Variants in RHOBTB2 observed in about 807,000 individuals in gnomAD.
RHOBTB2 encodes rho-related BTB domain-containing protein 2.
A neutral mutation model predicts 66.5 loss-of-function variants in RHOBTB2; 39 were observed. The observed-to-expected ratio is 0.59, with a 90% CI of 0.45 to 0.77. The LOEUF (loss-of-function observed/expected upper bound fraction) is 0.77, where lower values mean the gene tolerates loss of function less well. RHOBTB2 is among the 30% of genes least tolerant of loss of function. The pLI is 0.00. For missense variants in RHOBTB2, 755 were observed against 999.1 expected, an observed-to-expected ratio of 0.76 and a Z score of 3.29; for synonymous variants, 390 against 395.0, an observed-to-expected ratio of 0.99 and a Z score of 0.15.
chr8:22,995,314 ACGAAAGCTCCC>A (rs914419593), upstream of RHOBTB2, among the ~76,000 whole-genome samples: 4 of 152,270 alleles, frequency 2.6e-5, no homozygotes, highest in Admixed American at 2.6e-4. Flanking sequence ...CCTGGCTCTT[ACGAAAGCTCCC>A]CTGCCGGTCC....
At chr8:22,971,832 G>A in the RHOBTB2 span, among the ~76,000 whole-genome samples, 1 of 142,844 alleles carries the variant, frequency 7.0e-6, no homozygotes, top group Non-Finnish European at 1.6e-5. Context: ...CTCTTCTCCT[G>A]CTTCAGCTAT....
upstream of RHOBTB2, among the ~76,000 whole-genome samples, chr8:22,983,739 G>A (rs553220268): frequency 2.0e-5 from 3 of 151,736 alleles, no homozygotes; most frequent in South Asian, 6.2e-4. Context: ...GCAGTGTAAC[G>A]TGTTTTTTTT....
chr8:22,963,504 G>A, the RHOBTB2 span, among the ~76,000 whole-genome samples: 38 of 151,250 alleles, frequency 2.5e-4, no homozygotes, highest in Admixed American at 1.7e-3. Flanking sequence ...CAAAGCTAGC[G>A]CAAGTGTAAT....
At chr8:23,009,022 C>T (rs1465895739) in intron 6 of RHOBTB2, among the ~76,000 whole-genome samples, 1 of 151,944 alleles carries the variant, frequency 6.6e-6, no homozygotes, top group Non-Finnish European at 1.5e-5. Context: ...GTTGTCAAAG[C>T]AACAAAATAC....
Position 23,006,000 on chromosome 8 carries a change from A to C in RHOBTB2, c.337A>C (p.Asn113His). The change falls in exon 4 of 10, where the codon AAT becomes CAT. Residue 113 changes from asparagine to histidine, a missense_variant. Asn to His is a moderately conservative substitution (Grantham distance 68, BLOSUM62 1). Around this residue, in one of 7 missense-constraint regions of RHOBTB2, gnomAD observed 33 missense variants for 36.0 expected, o/e 0.92. Transcript: ENST00000251822. ...VVLCFSIANP[N>H]SLHHVKTMWY... ...TCTGTGCTTCTCCATTGCCAACCCC[A>C]ATTCCCTCCACCATGTCAAGACCAT... The C allele has an allele frequency of 6.2e-7, 1 of 1,613,594 alleles. No individual in the cohort carries two copies. Among genetic ancestry groups the C allele is most frequent in the South Asian group, 1.1e-5 (1 of 91,066 alleles).
chr8:22,954,701 C>A, the RHOBTB2 span, among the ~76,000 whole-genome samples: 1 of 152,118 alleles, frequency 6.6e-6, no homozygotes, highest in African/African-American at 2.4e-5. Context: ...ACTTTTAAAT[C>A]TTTAGAATAA....
Position 23,004,733 on chromosome 8 carries a change from G to A in RHOBTB2, c.192+107G>A. ...CCAGAGCTCACGGGAGCCCTCTAGG[G>A]GTGGGACAGGATGGGTTGGGGGCAG... is the stretch of plus-strand genomic sequence containing the variant. On this transcript the variant is annotated intron_variant, in intron 2 of 9. Transcript: ENST00000251822. The surrounding 1 kb of genome is among the most constrained non-coding windows in gnomAD (Gnocchi z 6.4). 1 of 1,113,020 alleles carries A rather than the reference G, an allele frequency of 9.0e-7. No individual in the cohort carries two copies. The highest frequency in any genetic ancestry group is 1.4e-5 in the South Asian group (1 of 70,762). 68.9% of individuals were successfully genotyped at this position (1,113,020 alleles called of 1,614,324 possible). A position where few individuals can be genotyped will look rare whatever the true frequency, so the allele number is the denominator to read the frequency against.
chr8:22,979,440 T>A, the RHOBTB2 span, among the ~76,000 whole-genome samples: 1 of 152,042 alleles, frequency 6.6e-6, no homozygotes, highest in Non-Finnish European at 1.5e-5. Context: ...GTGTATGAAT[T>A]TTTTTTGGTT....
At chr8:22,995,733 C>A, upstream of RHOBTB2, 1 of 963,202 alleles carries the variant, frequency 1.0e-6, no homozygotes. Context: ...ATGGCTGGTT[C>A]TGAACTTTGC....
Position 23,000,024 on chromosome 8 carries a change from C to G in RHOBTB2, c.-92C>G. 1 of 985,568 alleles carries G rather than the reference C, an allele frequency of 1.0e-6. No individual in the cohort carries two copies. 61.1% of individuals were successfully genotyped at this position (985,568 alleles called of 1,614,324 possible). ...CCAACTTGCAGGCGCGGAGGGACCC[C>G]TGACATTTCACTAAAATGAGCGTGC... is the stretch of plus-strand genomic sequence containing the variant. On this transcript the variant is annotated 5_prime_UTR_variant, in exon 1 of 10. Coordinates refer to ENST00000251822, the MANE Select transcript of RHOBTB2 (RefSeq NM_015178.3).
Position 22,999,635 on chromosome 8 carries a change from C to A in RHOBTB2, c.-481C>A. The A allele has an allele frequency of 1.6e-6, 2 of 1,245,324 alleles. No individual in the cohort carries two copies. The highest frequency in any genetic ancestry group is 2.1e-6 in the Non-Finnish European group (2 of 972,250). 77.1% of individuals were successfully genotyped at this position (1,245,324 alleles called of 1,614,324 possible). Reference sequence around the variant, plus strand: ...TTTTTTTCTTTTCTTTTTTTTTTCCCTATCCTTTTTTTGTGAATGAAAAAA... The same window carrying A: ...TTTTTTTCTTTTCTTTTTTTTTTCCATATCCTTTTTTTGTGAATGAAAAAA... On this transcript the variant is annotated 5_prime_UTR_variant, in exon 1 of 10. Coordinates refer to ENST00000251822, the MANE Select transcript of RHOBTB2 (RefSeq NM_015178.3).
At chr8:22,952,319 C>T in the RHOBTB2 span, among the ~76,000 whole-genome samples, 4 of 152,070 alleles carry the variant, frequency 2.6e-5, no homozygotes, top group African/African-American at 9.7e-5. Flanking sequence ...CAGACCCCCA[C>T]CTGCTCGCTC....
At chr8:22,963,439 A>G in the RHOBTB2 span, among the ~76,000 whole-genome samples, 5 of 152,218 alleles carry the variant, frequency 3.3e-5, no homozygotes, top group African/African-American at 1.2e-4. Flanking sequence ...TTCCCTTGCT[A>G]TAAAATATAA....
chr8:22,959,745 T>C, the RHOBTB2 span, among the ~76,000 whole-genome samples: 1 of 152,248 alleles, frequency 6.6e-6, no homozygotes, highest in East Asian at 1.9e-4. Context: ...TGTGGTTACC[T>C]TGTCAATCAA....
At position 23,005,978 on chromosome 8, in the gene RHOBTB2, G is replaced by C; in HGVS notation, c.315G>C (p.Leu105=). 1 of 1,613,298 alleles carries C rather than the reference G, an allele frequency of 6.2e-7. No individual in the cohort carries two copies. ...FAYGRSDVVV[L]CFSIANPNSL... ...CCCGCAGATCTGATGTGGTGGTTCT[G>C]TGCTTCTCCATTGCCAACCCCAATT... Residue 105 remains leucine (L), a synonymous_variant, in exon 4 of 10, where the codon CTG becomes CTC. Coordinates refer to ENST00000251822, the MANE Select transcript of RHOBTB2 (RefSeq NM_015178.3).
At chr8:22,993,399 A>G (rs1314117772) in intron 2 of RHOBTB2, among the ~76,000 whole-genome samples, 2 of 152,090 alleles carry the variant, frequency 1.3e-5, no homozygotes, top group African/African-American at 4.8e-5. Context: ...CACGGCCCAG[A>G]TGGCAGAGGC....
intron 9 of RHOBTB2, among the ~76,000 whole-genome samples, chr8:23,016,823 C>T (rs954476705): frequency 6.6e-6 from 1 of 152,174 alleles, no homozygotes; most frequent in Non-Finnish European, 1.5e-5. Flanking sequence ...TAAGGCCAGC[C>T]GTTCCTCTGG....
chr8:22,972,105 G>C, the RHOBTB2 span, among the ~76,000 whole-genome samples: 3 of 151,988 alleles, frequency 2.0e-5, no homozygotes, highest in Non-Finnish European at 4.4e-5. Flanking sequence ...GATGGTGGGC[G>C]TCAGTCACGA....
chr8:22,954,886 C>A, the RHOBTB2 span, among the ~76,000 whole-genome samples: 3 of 152,208 alleles, frequency 2.0e-5, no homozygotes, highest in Non-Finnish European at 4.4e-5. Context: ...AATCCCAACA[C>A]TTTGGGAGGC....
Sources: gnomAD v4.1 joint callset for allele counts (sites outside exome capture counted in the v4.1 genomes callset) on GRCh38, gnomAD v4.1.1 for gene constraint, gnomAD v4.1.1 regional missense constraint, Gnocchi (gnomAD v3.1) non-coding constraint, MANE v1.5 for transcripts, NCBI Gene and HGNC (gene_info 2026-07-23, HGNC 2026-07-21) for gene names.